The following ALCAM variants were observed in gnomAD, a reference collection of about 807,000 sequenced individuals.
ALCAM encodes the protein activated leukocyte cell adhesion molecule, also known as CD166 antigen.
In ALCAM, 30 loss-of-function variants were observed where a neutral mutation model predicts 70.9. That is an observed-to-expected ratio of 0.42 (90% CI 0.32 to 0.57). The LOEUF (loss-of-function observed/expected upper bound fraction) is 0.57, where lower values mean the gene tolerates loss of function less well. Among genes scored for constraint, ALCAM ranks in the 20% least tolerant of loss-of-function variants. ALCAM has a pLI of 0.11. For synonymous variants in ALCAM, 249 were observed against 242.5 expected, an observed-to-expected ratio of 1.03 and a Z score of -0.25; for missense variants, 591 against 695.1, an observed-to-expected ratio of 0.85 and a Z score of 1.68.
intron 1 of ALCAM, among the ~76,000 whole-genome samples, chr3:105,518,583 T>G (rs1939443967): frequency 6.6e-6 from 1 of 152,050 alleles, no homozygotes; most frequent in African/African-American, 2.4e-5. Context: ...ATAAAAAAAT[T>G]TCTTCATTTA....
chr3:105,448,168 C>T (rs1937341256), intron 1 of ALCAM, among the ~76,000 whole-genome samples: 1 of 152,036 alleles, frequency 6.6e-6, no homozygotes, highest in African/African-American at 2.4e-5. Context: ...TCAGAGAAGT[C>T]CTGAAATCAT....
chr3:105,552,200 G>A lies in ALCAM; in HGVS notation c.1546+18G>A, dbSNP rs543990094. 1.2e-5 allele frequency: 19 copies of A among 1,593,110 alleles called. No individual in the cohort carries two copies. The highest frequency in any genetic ancestry group is 7.1e-5 in the Admixed American group (4 of 56,680). ...GATAAGTGGTAGGTACTATGCTGCC[G>A]ACTCTTCTTCCTTGACTATCAGCTC... On this transcript the variant is annotated intron_variant, in intron 13 of 15. Coordinates refer to ENST00000306107, the MANE Select transcript of ALCAM (RefSeq NM_001627.4).
At chr3:105,482,239 A>G (rs1180559810) in intron 1 of ALCAM, among the ~76,000 whole-genome samples, 1 of 152,070 alleles carries the variant, frequency 6.6e-6, no homozygotes, top group East Asian at 1.9e-4. Context: ...CAGTCTCTCA[A>G]GTAGCTGGGA....
intron 1 of ALCAM, among the ~76,000 whole-genome samples, chr3:105,384,700 T>A (rs1935605551): frequency 6.6e-6 from 1 of 151,582 alleles, no homozygotes; most frequent in African/African-American, 2.4e-5. Flanking sequence ...AAATACCTGC[T>A]GTACTCCATG....
intron 15 of ALCAM, among the ~76,000 whole-genome samples, chr3:105,573,209 C>T (rs1391679834): frequency 6.6e-6 from 1 of 152,114 alleles, no homozygotes; most frequent in Non-Finnish European, 1.5e-5. Context: ...CACCGATAAT[C>T]CCAGCTACTC....
intron 1 of ALCAM, among the ~76,000 whole-genome samples, chr3:105,403,017 G>A (rs1281785647): frequency 2.1e-5 from 3 of 145,314 alleles, no homozygotes; most frequent in African/African-American, 7.7e-5. Context: ...TGCAATCTCA[G>A]CTCATTGCAA....
At chr3:105,431,161 A>T (rs60073537) in intron 1 of ALCAM, among the ~76,000 whole-genome samples, 23,880 of 150,532 alleles carry the variant, frequency 0.16, 2,152 homozygotes, top group East Asian at 0.37. Context: ...AAAAAAGAGG[A>T]GACATGGTAT....
intron 1 of ALCAM, among the ~76,000 whole-genome samples, chr3:105,478,359 G>A (rs1320778325): frequency 6.6e-6 from 1 of 152,070 alleles, no homozygotes; most frequent in East Asian, 1.9e-4. Context: ...TTTGGGGAGA[G>A]TTTATTTACA....
intron 1 of ALCAM, among the ~76,000 whole-genome samples, chr3:105,393,819 C>G (rs1269185393): frequency 2.6e-5 from 4 of 151,850 alleles, no homozygotes; most frequent in African/African-American, 9.7e-5. Context: ...CATTATAAGT[C>G]AAAATACAAC....
chr3:105,559,972 T>G (rs926984349), intron 14 of ALCAM, among the ~76,000 whole-genome samples: 4 of 152,166 alleles, frequency 2.6e-5, no homozygotes, highest in African/African-American at 9.7e-5. Context: ...TCTTGGACAT[T>G]TGGATACTTT....
chr3:105,571,365 C>T (rs1479127346), intron 14 of ALCAM, among the ~76,000 whole-genome samples: 1 of 152,156 alleles, frequency 6.6e-6, no homozygotes, highest in African/African-American at 2.4e-5. Flanking sequence ...TCTCAATAAT[C>T]TGGTTGTTGT....
intron 1 of ALCAM, among the ~76,000 whole-genome samples, chr3:105,409,482 C>G (rs752978587): frequency 1.6e-4 from 24 of 152,046 alleles, no homozygotes; most frequent in Non-Finnish European, 2.9e-4. Flanking sequence ...CATATATTTT[C>G]ACTCATATGT....
chr3:105,376,717 G>C (rs1234671302), intron 1 of ALCAM, among the ~76,000 whole-genome samples: 1 of 152,150 alleles, frequency 6.6e-6, no homozygotes, highest in Non-Finnish European at 1.5e-5. Context: ...TCTAGTCTGG[G>C]ATTTAAGAGA....
intron 1 of ALCAM, among the ~76,000 whole-genome samples, chr3:105,497,788 T>G (rs1014240706): frequency 6.6e-6 from 1 of 152,044 alleles, no homozygotes; most frequent in Non-Finnish European, 1.5e-5. Context: ...TCCTAGCACT[T>G]TGGGAGGCCG....
At chr3:105,387,710 G>A (rs982682278) in intron 1 of ALCAM, among the ~76,000 whole-genome samples, 3 of 151,476 alleles carry the variant, frequency 2.0e-5, no homozygotes, top group African/African-American at 7.3e-5. Flanking sequence ...AGGGCTTTTA[G>A]TAGTGATCAG....
chr3:105,542,572 T>C (rs994275584), intron 8 of ALCAM, among the ~76,000 whole-genome samples: 9 of 151,834 alleles, frequency 5.9e-5, no homozygotes, highest in African/African-American at 2.2e-4. Context: ...TAATAAGTCC[T>C]TTGCACTCAA....
At chr3:105,382,966 G>C (rs999503033) in intron 1 of ALCAM, among the ~76,000 whole-genome samples, 3 of 151,654 alleles carry the variant, frequency 2.0e-5, no homozygotes, top group Admixed American at 1.3e-4. Flanking sequence ...ACATTTCTCA[G>C]AACAATTTTT....
At chr3:105,436,710 A>G (rs987209526) in intron 1 of ALCAM, among the ~76,000 whole-genome samples, 38 of 152,288 alleles carry the variant, frequency 2.5e-4, no homozygotes, top group African/African-American at 8.9e-4. Flanking sequence ...AATCAATCTT[A>G]TGATTCAATA....
chr3:105,540,217 C>T, intron 7 of ALCAM, 115 bp downstream of exon 7: 1 of 1,090,138 alleles, frequency 9.2e-7, no homozygotes, highest in Non-Finnish European at 1.3e-6. Flanking sequence ...GAGACGCCAC[C>T]TATAAAATGT....
Sources: gnomAD v4.1 joint callset for allele counts (sites outside exome capture counted in the v4.1 genomes callset) on GRCh38, gnomAD v4.1.1 for gene constraint, MANE v1.5 for transcripts, NCBI Gene and HGNC (gene_info 2026-07-23, HGNC 2026-07-21) for gene names.